The following ARHGAP40 variants were observed in gnomAD, a reference collection of about 807,000 sequenced individuals.
ARHGAP40 encodes the protein rho GTPase-activating protein 40.
In ARHGAP40, 43 loss-of-function variants were observed where a neutral mutation model predicts 73.5. The observed-to-expected ratio is 0.58, with a 90% CI of 0.46 to 0.75. The LOEUF (loss-of-function observed/expected upper bound fraction) is 0.75. Ranked by LOEUF, ARHGAP40 falls within the 30% of genes least tolerant of loss-of-function variation. ARHGAP40 has a pLI of 0.00. For synonymous variants in ARHGAP40, 300 were observed against 352.8 expected (o/e 0.85, Z 1.68); for missense variants, 734 against 861.8 (o/e 0.85, Z 1.86).
At chr20:38,604,553 G>T (rs1028266832) in intron 1 of ARHGAP40, among the ~76,000 whole-genome samples, 1 of 151,910 alleles carries the variant, frequency 6.6e-6, no homozygotes, top group Admixed American at 6.6e-5. Flanking sequence ...GCGCCACCAC[G>T]CCTGGCTAAT....
chr20:38,615,873 C>T (rs1471596305), intron 1 of ARHGAP40, among the ~76,000 whole-genome samples: 1 of 152,198 alleles, frequency 6.6e-6, no homozygotes, highest in Non-Finnish European at 1.5e-5. Context: ...TGTACTCCCG[C>T]TCCTGTGTCT....
chr20:38,649,338 T>C (rs2089073093), intron 14 of ARHGAP40, among the ~76,000 whole-genome samples: 3 of 152,142 alleles, frequency 2.0e-5, no homozygotes, highest in African/African-American at 7.2e-5. Context: ...TAGTACACGA[T>C]GCATTGAGGG....
chr20:38,632,179 G>T (rs2088943849), intron 5 of ARHGAP40, among the ~76,000 whole-genome samples: 1 of 152,034 alleles, frequency 6.6e-6, no homozygotes, highest in African/African-American at 2.4e-5. Flanking sequence ...GGCCAGGCTG[G>T]TCTCGAACTC....
At chr20:38,638,080 C>A (rs565899105) in intron 7 of ARHGAP40, among the ~76,000 whole-genome samples, 1 of 151,194 alleles carries the variant, frequency 6.6e-6, no homozygotes, top group Non-Finnish European at 1.5e-5. Flanking sequence ...GAGGCCGAAG[C>A]GGGTGGATCA....
chr20:38,638,725 G>A, intron 7 of ARHGAP40, 36 bp from the exon 8 acceptor site: 1 of 1,292,162 alleles, frequency 7.7e-7, no homozygotes, highest in Admixed American at 2.3e-5. Context: ...CTTTTCAGCG[G>A]TTCCTGGTTT....
chr20:38,615,817 A>T (rs2088833647), intron 1 of ARHGAP40, among the ~76,000 whole-genome samples: 1 of 152,136 alleles, frequency 6.6e-6, no homozygotes. Flanking sequence ...CTGTGTGACA[A>T]ATGATCCCCA....
In ARHGAP40 at chr20:38,648,715, G is replaced by T. The variant is rs542827941; in HGVS notation, c.1936+17G>T. The stretch of plus-strand genomic sequence containing the variant: ...GGAATATCAGTAAGTTCCACTGTGG[G>T]AAACAGGAACAGAGCCCGGGTCCCT... On this transcript the variant is annotated intron_variant, in intron 14 of 14. Transcript: ENST00000373345. 2.5e-5 allele frequency: 32 copies of T among 1,305,358 alleles called. No homozygotes were observed. The Admixed American group carries it at 7.1e-4, about 29-fold the overall frequency. The allele number at this position is 1,305,358 out of a possible 1,614,324, so 80.9% of individuals were successfully genotyped here.
intron 6 of ARHGAP40, among the ~76,000 whole-genome samples, chr20:38,636,769 C>T (rs886064993): frequency 3.3e-5 from 5 of 152,078 alleles, no homozygotes; most frequent in Admixed American, 6.6e-5. Flanking sequence ...TAATATTGCC[C>T]TTCAGCAGTG....
intron 1 of ARHGAP40, among the ~76,000 whole-genome samples, chr20:38,610,604 G>T (rs762769480): frequency 6.6e-6 from 1 of 152,180 alleles, no homozygotes; most frequent in Non-Finnish European, 1.5e-5. Flanking sequence ...TGGTTTGGCT[G>T]GAAAAGGCGG....
chr20:38,625,563 C>T (rs2088894504), intron 2 of ARHGAP40, among the ~76,000 whole-genome samples: 1 of 152,170 alleles, frequency 6.6e-6, no homozygotes, highest in Non-Finnish European at 1.5e-5. Flanking sequence ...GGACTACTGG[C>T]ATTCACCACC....
intron 2 of ARHGAP40, among the ~76,000 whole-genome samples, chr20:38,625,998 T>A (rs2088897139): frequency 6.6e-6 from 1 of 152,112 alleles, no homozygotes; most frequent in Admixed American, 6.5e-5. Flanking sequence ...ATTGAAAGGA[T>A]CCTGTACAAA....
chr20:38,648,818 C>A, intron 14 of ARHGAP40, 120 bp downstream of exon 14: 2 of 713,410 alleles, frequency 2.8e-6, no homozygotes, highest in Non-Finnish European at 4.2e-6. Flanking sequence ...GCCCTCCCTT[C>A]AGGTCTCTGT....
chr20:38,646,978 C>CTTGAT lies in ARHGAP40; in HGVS notation c.1732_1733insTTGAT (p.Gln578LeufsTer12), dbSNP rs1359835446. Reference sequence around the variant, plus strand: ...GCAGACTCCCAAGGTGGCAAAGATCCAGGTGGTCTGGCCTATCAAGGACCC... The same window carrying CTTGAT: ...GCAGACTCCCAAGGTGGCAAAGATCCTTGATAGGTGGTCTGGCCTATCAAGGACCC... On this transcript the variant is annotated frameshift_variant, in exon 13 of 15. Coordinates refer to ENST00000373345, the Ensembl canonical transcript of ARHGAP40. LOFTEE classifies it high-confidence loss of function. This position sits in a 1 kb window ranked among gnomAD's most constrained non-coding sequence, Gnocchi z 4.5. The CTTGAT allele has an allele frequency of 7.7e-7, 1 of 1,305,348 alleles. No homozygotes were observed. Among genetic ancestry groups the CTTGAT allele is most frequent in the Admixed American group, 2.3e-5 (1 of 43,556 alleles). 80.9% of individuals were successfully genotyped at this position (1,305,348 alleles called of 1,614,324 possible). A position where few individuals can be genotyped will look rare whatever the true frequency, so the allele number is the denominator to read the frequency against.
exon 7 of ARHGAP40, chr20:38,637,762 T>C (rs1601147323): frequency 7.7e-7 from 1 of 1,305,092 alleles, no homozygotes; most frequent in South Asian, 1.2e-5. Context: ...GACCACAAAG[T>C]CCTCCCCAGC....
At chr20:38,645,248 C>T (rs1473298825) in intron 11 of ARHGAP40, among the ~76,000 whole-genome samples, 2 of 152,140 alleles carry the variant, frequency 1.3e-5, no homozygotes, top group African/African-American at 4.8e-5. Flanking sequence ...TCCCCTACTC[C>T]TCCCTCATAC....
intron 1 of ARHGAP40, among the ~76,000 whole-genome samples, chr20:38,621,741 A>C (rs753834317): frequency 5.9e-5 from 9 of 152,194 alleles, no homozygotes; most frequent in Non-Finnish European, 1.2e-4. Flanking sequence ...TGATTTTATA[A>C]GGGAAAATAT....
intron 5 of ARHGAP40, among the ~76,000 whole-genome samples, chr20:38,632,297 C>G (rs1400024053): frequency 6.6e-6 from 1 of 150,714 alleles, no homozygotes; most frequent in African/African-American, 2.4e-5. Flanking sequence ...GAGTCTCGCT[C>G]TATTGCCCAG....
At chr20:38,638,974 G>T in intron 8 of ARHGAP40, 136 bp downstream of exon 8, 1 of 879,772 alleles carries the variant, frequency 1.1e-6, no homozygotes, top group East Asian at 6.3e-5. Flanking sequence ...GGGTTTGAGA[G>T]GCTGAAGGTG....
chr20:38,638,531 GGAT>G (rs2088992448), intron 7 of ARHGAP40, among the ~76,000 whole-genome samples: 1 of 151,908 alleles, frequency 6.6e-6, no homozygotes, highest in Admixed American at 6.6e-5. Flanking sequence ...CTGTAAATTG[GGAT>G]GATGATAACA....
Sources: gnomAD v4.1 joint callset for allele counts (sites outside exome capture counted in the v4.1 genomes callset) on GRCh38, gnomAD v4.1.1 for gene constraint, Gnocchi (gnomAD v3.1) non-coding constraint, MANE v1.5 for transcripts, NCBI Gene and HGNC (gene_info 2026-07-23, HGNC 2026-07-21) for gene names.